Variants in MICU1 observed in about 807,000 individuals in gnomAD.
MICU1 encodes calcium uptake protein 1, mitochondrial.
Under a neutral mutation model 56.8 loss-of-function variants are expected in MICU1, and 45 were observed. The ratio of observed to expected loss-of-function variants is 0.79; its 90% CI spans 0.62 to 1.02. The LOEUF (loss-of-function observed/expected upper bound fraction) is 1.02. Among genes scored for constraint, MICU1 ranks in the 50% least tolerant of loss-of-function variants. The probability of loss-of-function intolerance (pLI) is 0.00; values close to 1 mark genes in which losing one functional copy is unlikely to be tolerated. For missense variants in MICU1, 504 were observed against 587.1 expected (o/e 0.86, Z 1.46); for synonymous variants, 186 against 195.1 (o/e 0.95, Z 0.39).
intron 5 of MICU1, among the ~76,000 whole-genome samples, chr10:72,519,623 T>A (rs532683687): frequency 6.6e-6 from 1 of 152,280 alleles, no homozygotes; most frequent in South Asian, 2.1e-4. Flanking sequence ...GCTGGTGCCA[T>A]GAGGGGCACT....
chr10:72,617,599 A>G, intron 1 of MICU1, among the ~76,000 whole-genome samples: 1 of 152,224 alleles, frequency 6.6e-6, no homozygotes, highest in East Asian at 1.9e-4. Context: ...TGGGAGGCCG[A>G]GGCGGCAGGG....
At chr10:72,378,753 C>A (rs554477622) in intron 10 of MICU1, among the ~76,000 whole-genome samples, 9 of 152,294 alleles carry the variant, frequency 5.9e-5, no homozygotes, top group Admixed American at 3.9e-4. Flanking sequence ...CTGGCCCCAC[C>A]ACCAACGTGC....
chr10:72,454,491 T>G (rs749500906), intron 8 of MICU1, among the ~76,000 whole-genome samples: 79 of 138,666 alleles, frequency 5.7e-4, no homozygotes, highest in Non-Finnish European at 8.8e-4. Flanking sequence ...AAAACAAAAC[T>G]GTAGTCATGG....
At chr10:72,411,414 G>A (rs1191582049) in intron 9 of MICU1, among the ~76,000 whole-genome samples, 2 of 150,768 alleles carry the variant, frequency 1.3e-5, no homozygotes, top group African/African-American at 2.4e-5. Context: ...TGCAAGTTCC[G>A]CCTCCCGGGT....
intron 1 of MICU1, among the ~76,000 whole-genome samples, chr10:72,579,776 T>A (rs1357266746): frequency 1.3e-5 from 2 of 152,194 alleles, no homozygotes; most frequent in Non-Finnish European, 2.9e-5. Flanking sequence ...TGGCTCAGTG[T>A]ATATAAACTT....
intron 8 of MICU1, among the ~76,000 whole-genome samples, chr10:72,456,565 C>T (rs4486543): frequency 1.3e-5 from 2 of 151,994 alleles, no homozygotes; most frequent in East Asian, 1.9e-4. Context: ...AGCTTTTAGA[C>T]GACTAAAATC....
Position 72,368,367 on chromosome 10 carries a change from G to T in MICU1, c.1271-12C>A, listed in dbSNP as rs1862216710. 7 of 1,609,830 alleles carry T rather than the reference G, an allele frequency of 4.3e-6. No individual in the cohort carries two copies. In the South Asian group the frequency reaches 6.6e-5, roughly 15 times the overall value. On this transcript the variant is annotated splice_polypyrimidine_tract_variant and intron_variant, in intron 11 of 11. Transcript: ENST00000361114. ...CAGTTCGCCATTGCCTAGAGGAAGA[G>T]GCAAAAACAACAGGGATAAGTGTTG...
At chr10:72,438,472 C>CACAATTAA (rs1301680194) in intron 8 of MICU1, among the ~76,000 whole-genome samples, 3 of 152,152 alleles carry the variant, frequency 2.0e-5, no homozygotes, top group African/African-American at 4.8e-5. Flanking sequence ...GACACCCTAA[C>CACAATTAA]ATCACAATTA....
chr10:72,442,932 T>C (rs1864985789), intron 8 of MICU1, among the ~76,000 whole-genome samples: 1 of 152,082 alleles, frequency 6.6e-6, no homozygotes, highest in African/African-American at 2.4e-5. Context: ...AATTTTTGTA[T>C]TTTTGGTAGA....
At position 72,512,100 on chromosome 10, in the gene MICU1, G is replaced by GTTTTTTTTTTTTTTTTTT. The variant is rs1199987987; in HGVS notation, c.538-3832_538-3831insAAAAAAAAAAAAAAAAAA. Among the ~76,000 whole-genome samples the GTTTTTTTTTTTTTTTTTT allele has an allele frequency of 3.6e-5, 3 of 82,336 alleles. 1 individual carries two copies. Among genetic ancestry groups the GTTTTTTTTTTTTTTTTTT allele is most frequent in the African/African-American group, 1.7e-4 (3 of 17,242 alleles). 54.0% of individuals were successfully genotyped at this position (82,336 alleles called of 152,430 possible). A position where few individuals can be genotyped will look rare whatever the true frequency, so the allele number is the denominator to read the frequency against. ...ATCAATCTGGCATCCATACACAGTT[G>GTTTTTTTTTTTTTTTTTT]TTTTTTGTTTTTTTTTTTTTTTTTT... On this transcript the variant is annotated intron_variant, in intron 5 of 11. Transcript: ENST00000361114.
At chr10:72,383,334 C>T (rs1237635218) in intron 10 of MICU1, among the ~76,000 whole-genome samples, 1 of 152,130 alleles carries the variant, frequency 6.6e-6, no homozygotes. Context: ...AAGTCTCTCT[C>T]CCAACCTTAT....
intron 5 of MICU1, among the ~76,000 whole-genome samples, chr10:72,526,453 G>C (rs1410639653): frequency 6.6e-6 from 1 of 152,054 alleles, no homozygotes; most frequent in African/African-American, 2.4e-5. Context: ...CTGCCACCAA[G>C]CCCAGCTAAT....
chr10:72,604,571 C>G (rs1287903160), intron 1 of MICU1, among the ~76,000 whole-genome samples: 1 of 151,538 alleles, frequency 6.6e-6, no homozygotes, highest in Non-Finnish European at 1.5e-5. Context: ...GCGTGCCCGG[C>G]CTTCTGCCTT....
rs1432516129 is a variant in MICU1, at chr10:72,583,406, A to G, written c.-1-16612T>C. On this transcript the variant is annotated intron_variant, in intron 1 of 11. Transcript: ENST00000361114. ...AGCGATTCTCCTGCCTCAGTCTCCC[A>G]AGTAGCTGGGACTACAGCTGTGTAC... 5.3e-5 allele frequency among the ~76,000 whole-genome samples: 8 copies of G among 151,808 alleles called. No homozygotes were observed. The East Asian group carries it at 1.6e-3, about 29-fold the overall frequency.
intron 8 of MICU1, among the ~76,000 whole-genome samples, chr10:72,440,272 C>G (rs915195333): frequency 9.2e-5 from 14 of 152,136 alleles, no homozygotes; most frequent in African/African-American, 3.1e-4. Context: ...TGATCTTTGA[C>G]AAACCTGACA....
chr10:72,499,837 G>C (rs183902801), intron 6 of MICU1, among the ~76,000 whole-genome samples: 16 of 152,230 alleles, frequency 1.1e-4, no homozygotes, highest in African/African-American at 3.9e-4. Flanking sequence ...TAGATGGAAT[G>C]GCACTGATCA....
rs541931822 is a variant in MICU1 at position 72,553,216 on chromosome 10, A to C, written c.331-1875T>G. On this transcript the variant is annotated intron_variant, in intron 3 of 11. Transcript: ENST00000361114. ...CTGTCTGCTGGGAAATAATGGCTAC[A>C]GAAGAAATACCTTTCTTCTTTTTTT... is the stretch of plus-strand genomic sequence containing the variant. Among the ~76,000 whole-genome samples the C allele has an allele frequency of 2.0e-5, 3 of 150,086 alleles. No homozygotes were observed. In the South Asian group the frequency reaches 6.3e-4, roughly 32 times the overall value.
chr10:72,597,266 C>T (rs551739206), intron 1 of MICU1, among the ~76,000 whole-genome samples: 6 of 152,274 alleles, frequency 3.9e-5, no homozygotes, highest in South Asian at 2.1e-4. Flanking sequence ...CAAAACAGTA[C>T]GAAATAGGTA....
intron 10 of MICU1, among the ~76,000 whole-genome samples, chr10:72,403,983 GTGTTTTTTGTTTGTT>G (rs1161034246): frequency 7.8e-6 from 1 of 128,582 alleles, no homozygotes. Context: ...TTTTGGTTAT[GTGTTTTTTGTTTGTT>G]TGTTTTTTGG....
Sources: allele counts gnomAD v4.1 joint callset (sites outside exome capture counted in the v4.1 genomes callset), GRCh38; gene constraint gnomAD v4.1.1; transcripts MANE v1.5; gene names NCBI Gene and HGNC (gene_info 2026-07-23, HGNC 2026-07-21).